Variants in WNT2B observed in about 807,000 individuals in gnomAD.
WNT2B encodes the protein protein Wnt-2b.
Under a neutral mutation model 40.5 loss-of-function variants are expected in WNT2B, and 19 were observed. That is an observed-to-expected ratio of 0.47 (90% CI 0.33 to 0.69). WNT2B has a LOEUF of 0.69. Among genes scored for constraint, WNT2B ranks in the 30% least tolerant of loss-of-function variants. The pLI is 0.02. For missense variants in WNT2B, 467 were observed against 556.4 expected, an observed-to-expected ratio of 0.84 and a Z score of 1.62; for synonymous variants, 220 against 211.9, an observed-to-expected ratio of 1.04 and a Z score of -0.33.
chr1:112,473,112 A>G (rs957759903), intron 1 of WNT2B, among the ~76,000 whole-genome samples: 10 of 142,228 alleles, frequency 7.0e-5, no homozygotes, highest in African/African-American at 1.1e-4. Context: ...GAAGGAAGGG[A>G]AAAAAGAAAG....
At chr1:112,484,506 G>A (rs377586766) in intron 1 of WNT2B, among the ~76,000 whole-genome samples, 3 of 151,164 alleles carry the variant, frequency 2.0e-5, no homozygotes, top group East Asian at 3.9e-4. Flanking sequence ...CAAACTCCTG[G>A]ACTCAAGTGA....
intron 1 of WNT2B, among the ~76,000 whole-genome samples, chr1:112,495,848 G>A (rs1053366429): frequency 1.3e-5 from 2 of 152,164 alleles, no homozygotes; most frequent in Non-Finnish European, 2.9e-5. Context: ...GTCCAAGATC[G>A]AGGTGCTGGC....
At chr1:112,490,895 C>A (rs1434982990) in intron 1 of WNT2B, 2 of 996,752 alleles carry the variant, frequency 2.0e-6, no homozygotes, top group Non-Finnish European at 1.5e-6. Context: ...CGGAAAGATC[C>A]CCCCTGGATT....
chr1:112,510,527 T>C (rs1652312698), intron 1 of WNT2B, among the ~76,000 whole-genome samples: 2 of 152,140 alleles, frequency 1.3e-5, no homozygotes, highest in South Asian at 4.1e-4. Context: ...TCTTCTCTCC[T>C]TGCACCCTGT....
rs1490494626 is a variant in WNT2B, at chr1:112,517,273, C to T, written c.834C>T (p.Thr278=). 2 of 1,614,110 alleles carry T rather than the reference C, an allele frequency of 1.2e-6. No individual in the cohort carries two copies. The highest frequency in any genetic ancestry group is 1.7e-6 in the Non-Finnish European group (2 of 1,180,048). The change falls in exon 4 of 5, where the codon ACC becomes ACT. Residue 278 remains threonine, a synonymous_variant. Transcript: ENST00000369684. ...RYDGAVQVMA[T]QDGANFTAAR... is the part of the protein sequence containing the mutation. Reference sequence around the variant, plus strand: ...ATGGGGCTGTGCAGGTGATGGCCACCCAAGATGGTGCCAACTTCACCGCAG... The same window carrying T: ...ATGGGGCTGTGCAGGTGATGGCCACTCAAGATGGTGCCAACTTCACCGCAG...
At chr1:112,519,872 C>CTTCTTCTT (rs10634267) in intron 4 of WNT2B, among the ~76,000 whole-genome samples, 25 of 115,650 alleles carry the variant, frequency 2.2e-4, no homozygotes, top group Non-Finnish European at 3.6e-4. Context: ...GCCCATGCTT[C>CTTCTTCTT]TTTTTTTTTT....
intron 1 of WNT2B, among the ~76,000 whole-genome samples, chr1:112,470,088 G>A (rs1464053720): frequency 1.3e-5 from 2 of 152,010 alleles, no homozygotes; most frequent in South Asian, 2.1e-4. Context: ...TTGTACCTTC[G>A]GATAATTTTT....
chr1:112,509,087 T>G lies in WNT2B; in HGVS notation c.-176T>G. On this transcript the variant is annotated 5_prime_UTR_variant, in exon 1 of 5. Coordinates refer to ENST00000369684, the MANE Select transcript of WNT2B (RefSeq NM_024494.3). The surrounding 1 kb of genome is among the most constrained non-coding windows in gnomAD (Gnocchi z 4.2). ...TCGTCGGCTTCCGGACATCGCAACTTGCGCCCCTCTCGGGGATCCTCCTCC... is the reference window on the plus strand; with the variant it reads ...TCGTCGGCTTCCGGACATCGCAACTGGCGCCCCTCTCGGGGATCCTCCTCC... 1 of 1,349,248 alleles carries G rather than the reference T, an allele frequency of 7.4e-7. No individual in the cohort carries two copies. The highest frequency in any genetic ancestry group is 3.1e-5 in the East Asian group (1 of 32,148). The allele number at this position is 1,349,248 out of a possible 1,614,324, so 83.6% of individuals were successfully genotyped here.
chr1:112,490,615 T>G (rs985418162), intron 1 of WNT2B, among the ~76,000 whole-genome samples: 4 of 151,556 alleles, frequency 2.6e-5, no homozygotes, highest in East Asian at 2.0e-4. Context: ...TCAGCCTCCC[T>G]AGTAGCTGGG....
rs779903759 is a variant in WNT2B, at chr1:112,526,086, G to A, written c.*5577G>A. 225 of 1,614,000 alleles carry A rather than the reference G, an allele frequency of 1.4e-4. No individual in the cohort carries two copies. Among genetic ancestry groups the A allele is most frequent in the Non-Finnish European group, 1.8e-4 (214 of 1,180,038 alleles). On this transcript the variant is annotated 3_prime_UTR_variant, in exon 5 of 5. Coordinates refer to ENST00000369684, the MANE Select transcript of WNT2B (RefSeq NM_024494.3). ...CTCCTCAAAGCCTGAGGATGCCCAG[G>A]GTTGGGGGCACCAGAGTCCCAGCAC... is the stretch of plus-strand genomic sequence containing the variant.
intron 1 of WNT2B, among the ~76,000 whole-genome samples, chr1:112,468,582 G>C (rs1218310747): frequency 6.6e-6 from 1 of 151,948 alleles, no homozygotes; most frequent in Non-Finnish European, 1.5e-5. Context: ...GTATCCATTG[G>C]CCATTTGTCA....
intron 1 of WNT2B, among the ~76,000 whole-genome samples, chr1:112,491,621 C>T (rs559459507): frequency 3.9e-5 from 6 of 152,246 alleles, no homozygotes; most frequent in African/African-American, 9.6e-5. Flanking sequence ...TGCGGTGGCT[C>T]ATACCTGTAA....
chr1:112,483,863 AT>A (rs199766813), intron 1 of WNT2B, among the ~76,000 whole-genome samples: 1,813 of 151,066 alleles, frequency 0.012, 18 homozygotes, highest in Non-Finnish European at 0.021. Context: ...CTGAATAGAC[AT>A]TTCCCAAAAG....
chr1:112,499,736 C>G (rs532787063), intron 1 of WNT2B, among the ~76,000 whole-genome samples: 3 of 152,310 alleles, frequency 2.0e-5, no homozygotes, highest in African/African-American at 7.2e-5. Context: ...GGTGGAAACT[C>G]AGGTTGCTAT....
At chr1:112,499,578 T>C (rs1651884288) in intron 1 of WNT2B, among the ~76,000 whole-genome samples, 1 of 152,152 alleles carries the variant, frequency 6.6e-6, no homozygotes, top group African/African-American at 2.4e-5. Context: ...AGAAAAAGCA[T>C]ACAACAAAAC....
chr1:112,467,970 C>G (rs1650755491), intron 1 of WNT2B, among the ~76,000 whole-genome samples: 1 of 152,200 alleles, frequency 6.6e-6, no homozygotes, highest in South Asian at 2.1e-4. Context: ...CCACCAACCA[C>G]CCTTCCCAGA....
At chr1:112,484,383 C>T (rs1018140258) in intron 1 of WNT2B, among the ~76,000 whole-genome samples, 4 of 150,336 alleles carry the variant, frequency 2.7e-5, no homozygotes, top group Non-Finnish European at 4.4e-5. Context: ...TCACTGCAAC[C>T]TCTACTTCCC....
chr1:112,504,092 G>C (rs1242559416), upstream of WNT2B, among the ~76,000 whole-genome samples: 1 of 94,146 alleles, frequency 1.1e-5, no homozygotes, highest in Non-Finnish European at 2.3e-5. Context: ...ACCCTCCCTT[G>C]GGGAGAGGCT....
intron 1 of WNT2B, chr1:112,491,019 A>G (rs1160681476): frequency 1.2e-6 from 2 of 1,614,054 alleles, no homozygotes; most frequent in East Asian, 2.2e-5. Flanking sequence ...AGACTGAAGG[A>G]TCCTTGAGGA....
Sources: gnomAD v4.1 joint callset for allele counts (sites outside exome capture counted in the v4.1 genomes callset) on GRCh38, gnomAD v4.1.1 for gene constraint, Gnocchi (gnomAD v3.1) non-coding constraint, MANE v1.5 for transcripts, NCBI Gene and HGNC (gene_info 2026-07-23, HGNC 2026-07-21) for gene names.